PATJ: variants seen among roughly 807,000 people sequenced by gnomAD.
PATJ encodes PATJ crumbs cell polarity complex component, also known as inaD-like protein.
PATJ carries 190 observed loss-of-function variants against 224.9 expected under a neutral mutation model. The observed-to-expected ratio is 0.84, with a 90% confidence interval of 0.75 to 0.95. The LOEUF (loss-of-function observed/expected upper bound fraction) is 0.95, where lower values mean the gene tolerates loss of function less well. Ranked by LOEUF, PATJ falls within the 40% of genes least tolerant of loss-of-function variation. PATJ has a pLI of 0.00. For missense variants in PATJ, 2,121 were observed against 2,270.3 expected (o/e 0.93, Z 1.34); for synonymous variants, 769 against 820.3 (o/e 0.94, Z 1.07).
intron 10 of PATJ, 110 bp downstream of exon 10, chr1:61,795,668 T>C: frequency 1.8e-6 from 1 of 570,094 alleles, no homozygotes. Context: ...ATAAGGTTTT[T>C]TAAAAAATTA....
chr1:61,891,273 C>T (rs1669571525), intron 22 of PATJ, among the ~76,000 whole-genome samples: 1 of 152,140 alleles, frequency 6.6e-6, no homozygotes, highest in Admixed American at 6.6e-5. Flanking sequence ...AAAGGATTAA[C>T]TAAGTTAACG....
chr1:61,905,334 G>A (rs1233694391), intron 24 of PATJ, among the ~76,000 whole-genome samples: 1 of 152,194 alleles, frequency 6.6e-6, no homozygotes, highest in East Asian at 1.9e-4. Context: ...TGAGGGCAGA[G>A]CCCTCATGAC....
Position 61,827,432 on chromosome 1 carries a change from T to C in PATJ, c.1829T>C (p.Met610Thr), listed in dbSNP as rs781414220. Residue 610 changes from methionine (M) to threonine (T), a missense_variant, in exon 16 of 44, where the codon ATG becomes ACG. Coordinates refer to ENST00000642238, the MANE Select transcript of PATJ (RefSeq NM_001350145.3). ...PEDELLEVNG[M>T]QLYGKSRREA... is the part of the protein sequence containing the mutation. ...CCCTTGTCTTCCTAGGTCAATGGCATGCAGCTTTATGGAAAATCTCGCCGA... is the reference window on the plus strand; with the variant it reads ...CCCTTGTCTTCCTAGGTCAATGGCACGCAGCTTTATGGAAAATCTCGCCGA... 1.5e-5 allele frequency: 24 copies of C among 1,613,872 alleles called. No homozygotes were observed. The highest frequency in any genetic ancestry group is 1.9e-5 in the Non-Finnish European group (23 of 1,179,940).
intron 29 of PATJ, among the ~76,000 whole-genome samples, chr1:62,025,059 T>C (rs1323945677): frequency 6.6e-6 from 1 of 152,202 alleles, no homozygotes; most frequent in Non-Finnish European, 1.5e-5. Flanking sequence ...TTTCTTTTGC[T>C]TAAGTTGGCC....
chr1:61,997,976 C>A (rs1203240001), intron 28 of PATJ, among the ~76,000 whole-genome samples: 3 of 89,622 alleles, frequency 3.3e-5, no homozygotes, highest in Non-Finnish European at 6.6e-5. Context: ...TGCCACTGTG[C>A]CCAGCTTATA....
intron 25 of PATJ, among the ~76,000 whole-genome samples, chr1:61,911,889 G>A (rs536057481): frequency 1.0e-3 from 151 of 149,370 alleles, no homozygotes; most frequent in African/African-American, 3.5e-3. Context: ...CTAGCACAGT[G>A]CCTCTTCACA....
chr1:61,858,806 G>T (rs912914143), intron 18 of PATJ, among the ~76,000 whole-genome samples: 1 of 152,142 alleles, frequency 6.6e-6, no homozygotes, highest in African/African-American at 2.4e-5. Context: ...AGACCAAAAG[G>T]TGGTCTTCAT....
intron 31 of PATJ, among the ~76,000 whole-genome samples, chr1:62,071,490 C>CT (rs747065507): frequency 0.31 from 36,986 of 117,628 alleles, 7,155 homozygotes; most frequent in Non-Finnish European, 0.39. Flanking sequence ...TTGTAGATCA[C>CT]TTTTTTTTTT....
At chr1:61,970,465 A>G (rs1682812640) in intron 27 of PATJ, among the ~76,000 whole-genome samples, 1 of 151,960 alleles carries the variant, frequency 6.6e-6, no homozygotes, top group Admixed American at 6.6e-5. Context: ...AATGACATGT[A>G]TCTTACCACA....
rs145751711 is a variant in PATJ, at chr1:61,789,515, T to A, written c.1068+1543T>A. ...GTTTTCTATTTGAAATATCAGAACC[T>A]TTAAAAAGTTTCTCCAGCCGGTCTT... On this transcript the variant is annotated intron_variant, in intron 8 of 43. Coordinates refer to ENST00000642238, the MANE Select transcript of PATJ (RefSeq NM_001350145.3). Among the ~76,000 whole-genome samples the A allele has an allele frequency of 6.8e-4, 104 of 151,858 alleles. 2 individuals are homozygous for A. The highest frequency in any genetic ancestry group is 2.3e-3 in the African/African-American group (97 of 41,390).
chr1:61,944,045 TC>T (rs1407197738), intron 27 of PATJ, among the ~76,000 whole-genome samples: 1 of 152,110 alleles, frequency 6.6e-6, no homozygotes, highest in Non-Finnish European at 1.5e-5. Context: ...AGAAAGGACA[TC>T]CACACCAAAA....
intron 42 of PATJ, 35 bp downstream of exon 42, chr1:62,148,425 T>C (rs767148635): frequency 1.8e-5 from 27 of 1,472,292 alleles, no homozygotes; most frequent in African/African-American, 9.7e-5. Context: ...CTATTATGCA[T>C]GTGGGCAAAG....
chr1:61,935,257 T>C (rs1263685445), intron 27 of PATJ, among the ~76,000 whole-genome samples: 3 of 152,218 alleles, frequency 2.0e-5, no homozygotes, highest in Non-Finnish European at 2.9e-5. Flanking sequence ...ACTTGTTTGC[T>C]GCCACTGGCT....
intron 27 of PATJ, among the ~76,000 whole-genome samples, chr1:61,949,405 T>A (rs11804624): frequency 0.043 from 6,576 of 152,204 alleles, 526 homozygotes; most frequent in African/African-American, 0.15. Flanking sequence ...TTGTGATGGT[T>A]GCACAACTCC....
At chr1:61,840,896 G>A (rs1660980168) in intron 17 of PATJ, among the ~76,000 whole-genome samples, 1 of 151,998 alleles carries the variant, frequency 6.6e-6, no homozygotes, top group Non-Finnish European at 1.5e-5. Context: ...CACTTAAAAT[G>A]GATCCTTTCT....
At chr1:62,125,015 C>T (rs935223856) in intron 39 of PATJ, among the ~76,000 whole-genome samples, 9 of 151,876 alleles carry the variant, frequency 5.9e-5, no homozygotes, top group Non-Finnish European at 1.3e-4. Flanking sequence ...TCACTGAGCC[C>T]AGGAGTTTGA....
At chr1:61,940,597 T>TC (rs1677668409) in intron 27 of PATJ, among the ~76,000 whole-genome samples, 1 of 151,850 alleles carries the variant, frequency 6.6e-6, no homozygotes, top group East Asian at 1.9e-4. Context: ...GCACCTGTAG[T>TC]CCCAGCTACT....
Position 62,161,060 on chromosome 1 carries a change from G to A in PATJ, c.*6G>A, listed in dbSNP as rs540049021. ...CCTTAACTGTGCTGTCATGAGCCTCGGGCCTGATCACAAGATAGATGTTGT... is the reference window on the plus strand; with the variant it reads ...CCTTAACTGTGCTGTCATGAGCCTCAGGCCTGATCACAAGATAGATGTTGT... On this transcript the variant is annotated 3_prime_UTR_variant, in exon 44 of 44. Coordinates refer to ENST00000642238, the MANE Select transcript of PATJ (RefSeq NM_001350145.3). 3.0e-5 allele frequency: 45 copies of A among 1,483,272 alleles called. No individual in the cohort carries two copies. In the East Asian group the frequency reaches 5.2e-4, roughly 17 times the overall value. 91.9% of individuals were successfully genotyped at this position (1,483,272 alleles called of 1,614,324 possible).
chr1:61,927,853 G>C, intron 27 of PATJ, 24 bp downstream of exon 27: 1 of 1,455,234 alleles, frequency 6.9e-7, no homozygotes, highest in Non-Finnish European at 9.6e-7. Flanking sequence ...CACTATTTAG[G>C]GTAGATGCAG....
Sources: allele counts gnomAD v4.1 joint callset (sites outside exome capture counted in the v4.1 genomes callset), GRCh38; gene constraint gnomAD v4.1.1; transcripts MANE v1.5; gene names NCBI Gene and HGNC (gene_info 2026-07-23, HGNC 2026-07-21).